TLN2: variants seen among roughly 807,000 people sequenced by gnomAD.
The protein encoded by TLN2 is talin-2.
A neutral mutation model predicts 294.7 loss-of-function variants in TLN2; 118 were observed. The ratio of observed to expected loss-of-function variants is 0.40; its 90% CI spans 0.34 to 0.47. The LOEUF is 0.47. Ranked by LOEUF, TLN2 falls within the 20% of genes least tolerant of loss-of-function variation. The pLI is 0.84. For synonymous variants in TLN2, 1,431 were observed against 1,304.5 expected, an observed-to-expected ratio of 1.10 and a Z score of -2.09; for missense variants, 3,083 against 3,282.2, an observed-to-expected ratio of 0.94 and a Z score of 1.48.
At chr15:62,815,546 T>A (rs2067045715) in intron 52 of TLN2, among the ~76,000 whole-genome samples, 1 of 152,214 alleles carries the variant, frequency 6.6e-6, no homozygotes, top group Non-Finnish European at 1.5e-5. Flanking sequence ...GTTGAGGTCA[T>A]TTTCAGGTGG....
At chr15:62,596,548 G>A (rs1202408217) in intron 2 of TLN2, among the ~76,000 whole-genome samples, 4 of 151,968 alleles carry the variant, frequency 2.6e-5, no homozygotes, top group Non-Finnish European at 5.9e-5. Context: ...GACCAGCCTG[G>A]CCAACATGGC....
In TLN2 at chr15:62,840,546, T is replaced by G. The variant is rs2070545703; in HGVS notation, c.7565T>G (p.Leu2522Arg). The change falls in exon 59 of 59, where the codon CTG (leucine) becomes CGG (arginine). Residue 2522 changes from leucine to arginine, a missense_variant. Coordinates refer to ENST00000636159, the MANE Select transcript of TLN2 (RefSeq NM_015059.3). The stretch of plus-strand genomic sequence containing the variant: ...GAACTGGAAGAAGCAAGGAAAAAAC[T>G]GGCCCAAATCCGCCAGCAGCAGTAT... ...ERELEEARKKLAQIRQQQYKF... is the reference protein window; with the variant it reads ...ERELEEARKKRAQIRQQQYKF... 1 of 1,613,994 alleles carries G rather than the reference T, an allele frequency of 6.2e-7. No homozygotes were observed. The highest frequency in any genetic ancestry group is 8.5e-7 in the Non-Finnish European group (1 of 1,180,020).
At chr15:62,662,800 G>A (rs75582217) in intron 9 of TLN2, among the ~76,000 whole-genome samples, 5,111 of 148,534 alleles carry the variant, frequency 0.034, 318 homozygotes, top group African/African-American at 0.12. Context: ...TAGGGAGTTG[G>A]TGTATTTTAG....
chr15:62,401,433 T>G (rs1422481571), intron 1 of TLN2, among the ~76,000 whole-genome samples: 1 of 152,102 alleles, frequency 6.6e-6, no homozygotes, highest in Non-Finnish European at 1.5e-5. Context: ...GATAGTGGAG[T>G]GCAGGAAACA....
chr15:62,653,178 A>C lies in TLN2; in HGVS notation c.381A>C (p.Glu127Asp), dbSNP rs767945626. 1.3e-6 allele frequency: 2 copies of C among 1,578,828 alleles called. No homozygotes were observed. Among genetic ancestry groups the C allele is most frequent in the East Asian group, 2.3e-5 (1 of 43,674 alleles). The change falls in exon 7 of 59, where the codon GAA becomes GAC. Residue 127 changes from glutamate (E) to aspartate (D), a missense_variant. Transcript: ENST00000636159. ...ICSRIGITNY[E>D]EYSLIQETIE... The stretch of plus-strand genomic sequence containing the variant: ...AATGTTTAGGAATAACAAATTATGA[A>C]GAATACTCCTTAATCCAAGAAACTA...
intron 22 of TLN2, among the ~76,000 whole-genome samples, chr15:62,715,409 T>G (rs1567437181): frequency 6.6e-6 from 1 of 152,242 alleles, no homozygotes. Flanking sequence ...TACAAAGCAT[T>G]CAGGCCCTGG....
At chr15:62,709,393 C>T (rs1438279057) in intron 21 of TLN2, among the ~76,000 whole-genome samples, 3 of 152,092 alleles carry the variant, frequency 2.0e-5, no homozygotes, top group Admixed American at 6.5e-5. Context: ...TGGGGTGATC[C>T]ACGCAGAGGA....
intron 3 of TLN2, among the ~76,000 whole-genome samples, chr15:62,629,714 T>C (rs954258771): frequency 6.6e-6 from 1 of 152,344 alleles, no homozygotes; most frequent in Admixed American, 6.5e-5. Flanking sequence ...TTAGAATAAT[T>C]GATATACTGA....
intron 1 of TLN2, among the ~76,000 whole-genome samples, chr15:62,558,446 T>G (rs1382975054): frequency 2.0e-5 from 3 of 152,224 alleles, no homozygotes; most frequent in Non-Finnish European, 2.9e-5. Flanking sequence ...GTTCAGGATG[T>G]AGTTCCTATA....
chr15:62,552,647 T>C (rs1425867316), intron 1 of TLN2, among the ~76,000 whole-genome samples: 1 of 152,258 alleles, frequency 6.6e-6, no homozygotes, highest in East Asian at 1.9e-4. Context: ...AAGGCTGTGA[T>C]GTGCCTTAGG....
intron 1 of TLN2, among the ~76,000 whole-genome samples, chr15:62,439,895 G>T (rs1056268894): frequency 1.3e-5 from 2 of 152,178 alleles, no homozygotes; most frequent in Non-Finnish European, 2.9e-5. Context: ...CTGTATTTCA[G>T]CTGTCTCTGG....
At chr15:62,799,835 A>G (rs947515914) in intron 48 of TLN2, among the ~76,000 whole-genome samples, 3 of 152,226 alleles carry the variant, frequency 2.0e-5, no homozygotes, top group African/African-American at 7.2e-5. Flanking sequence ...AGTGATGGAA[A>G]GAGCTGAGTC....
intron 1 of TLN2, among the ~76,000 whole-genome samples, chr15:62,420,189 G>A (rs2034309863): frequency 1.3e-5 from 2 of 152,194 alleles, no homozygotes; most frequent in South Asian, 4.2e-4. Flanking sequence ...GTGGAGTGGT[G>A]GGCTGGCATC....
chr15:62,501,647 T>C (rs2039314067), intron 1 of TLN2, among the ~76,000 whole-genome samples: 1 of 152,230 alleles, frequency 6.6e-6, no homozygotes, highest in Non-Finnish European at 1.5e-5. Context: ...TGGAAAGGAA[T>C]AGTCACAATT....
chr15:62,729,728 T>G (rs1419197007), intron 28 of TLN2, among the ~76,000 whole-genome samples: 1 of 152,176 alleles, frequency 6.6e-6, no homozygotes, highest in East Asian at 1.9e-4. Flanking sequence ...GAGTATTTTG[T>G]GTATTTATAG....
At chr15:62,433,315 C>G (rs1489739061) in intron 1 of TLN2, among the ~76,000 whole-genome samples, 1 of 152,056 alleles carries the variant, frequency 6.6e-6, no homozygotes, top group Non-Finnish European at 1.5e-5. Flanking sequence ...TGAATTAAGT[C>G]AACTCTAAGG....
At chr15:62,664,872 A>AAAAAAAT (rs2054383434) in intron 9 of TLN2, among the ~76,000 whole-genome samples, 1 of 149,708 alleles carries the variant, frequency 6.7e-6, no homozygotes, top group African/African-American at 2.4e-5. Flanking sequence ...AAAAAAAAAA[A>AAAAAAAT]AAAAAAGTGG....
At chr15:62,734,964 G>A (rs1184223676) in intron 28 of TLN2, among the ~76,000 whole-genome samples, 5 of 152,178 alleles carry the variant, frequency 3.3e-5, no homozygotes, top group African/African-American at 4.8e-5. Flanking sequence ...AGACCTTCCA[G>A]CTCAGTCCTG....
Position 62,755,465 on chromosome 15 carries a change from G to C in TLN2, c.4477-67G>C, listed in dbSNP as rs904081778. On this transcript the variant is annotated intron_variant, in intron 36 of 58. Transcript: ENST00000636159. ...GTGAGTTGAACAGGAACCCAGGGCTGAGGACCGGGGTGGACCCCTCTGCAC... is the reference window on the plus strand; with the variant it reads ...GTGAGTTGAACAGGAACCCAGGGCTCAGGACCGGGGTGGACCCCTCTGCAC... 8 of 1,541,224 alleles carry C rather than the reference G, an allele frequency of 5.2e-6. No homozygotes were observed. The Admixed American group carries it at 1.5e-4, about 30-fold the overall frequency.
Sources: allele counts gnomAD v4.1 joint callset (sites outside exome capture counted in the v4.1 genomes callset), GRCh38; gene constraint gnomAD v4.1.1; transcripts MANE v1.5; gene names NCBI Gene and HGNC (gene_info 2026-07-23, HGNC 2026-07-21).